AGAP1: variants seen among roughly 807,000 people sequenced by gnomAD.
AGAP1 encodes the protein arf-GAP with GTPase, ANK repeat and PH domain-containing protein 1.
Under a neutral mutation model 105.3 loss-of-function variants are expected in AGAP1, and 29 were observed. The observed-to-expected ratio is 0.28, with a 90% CI of 0.21 to 0.38. The LOEUF is 0.38. Ranked by LOEUF, AGAP1 falls within the 10% of genes least tolerant of loss-of-function variation. AGAP1 has a pLI of 1.00. For synonymous variants in AGAP1, 509 were observed against 485.9 expected, an observed-to-expected ratio of 1.05 and a Z score of -0.63; for missense variants, 998 against 1,165.1, an observed-to-expected ratio of 0.86 and a Z score of 2.09.
chr2:235,524,687 T>C (rs11689907), intron 1 of AGAP1: 128,892 of 171,292 alleles, frequency 0.75, 49,073 homozygotes, highest in East Asian at 0.91. Flanking sequence ...GAAGGGACCC[T>C]GTGTCCAAGA....
At chr2:236,112,127 C>T (rs1402651795) in intron 16 of AGAP1, among the ~76,000 whole-genome samples, 1 of 152,026 alleles carries the variant, frequency 6.6e-6, no homozygotes, top group Non-Finnish European at 1.5e-5. Context: ...AATAAAAGCT[C>T]TCTGGAGGCC....
chr2:235,654,440 A>G (rs530694689), intron 1 of AGAP1, among the ~76,000 whole-genome samples: 1 of 152,360 alleles, frequency 6.6e-6, no homozygotes, highest in East Asian at 1.9e-4. Flanking sequence ...ATTTTAATAA[A>G]TGATGGCTTC....
intron 8 of AGAP1, among the ~76,000 whole-genome samples, chr2:235,803,165 TGTG>T (rs1464659816): frequency 7.0e-6 from 1 of 142,544 alleles, no homozygotes; most frequent in African/African-American, 2.6e-5. Flanking sequence ...TGATGATGGT[TGTG>T]GTTGTGGTGA....
chr2:236,020,760 GA>G lies in AGAP1; in HGVS notation c.1646-15800del, dbSNP rs1469186495. On this transcript the variant is annotated intron_variant, in intron 13 of 17. Transcript: ENST00000304032. The surrounding 1 kb of genome is among the most constrained non-coding windows in gnomAD (Gnocchi z 5.0). ...TTATTTAATAGAAAAATGACCCAAAGACTCCATGGAGAATATCTGTGGACTA... is the reference window on the plus strand; with the variant it reads ...TTATTTAATAGAAAAATGACCCAAAGCTCCATGGAGAATATCTGTGGACTA... Among the ~76,000 whole-genome samples the G allele has an allele frequency of 6.6e-6, 1 of 152,200 alleles. No individual in the cohort carries two copies. Among genetic ancestry groups the G allele is most frequent in the African/African-American group, 2.4e-5 (1 of 41,446 alleles).
In AGAP1 at chr2:235,769,961, C is replaced by T. The variant is rs1249338628; in HGVS notation, c.673+19473C>T. ...CACTTATGTATGTTTCATATATTAG[C>T]AAGTGTATCTCATATCTTCTGAATA... On this transcript the variant is annotated intron_variant, in intron 6 of 17. Coordinates refer to ENST00000304032, the MANE Select transcript of AGAP1 (RefSeq NM_001037131.3). This position sits in a 1 kb window ranked among gnomAD's most constrained non-coding sequence, Gnocchi z 4.4. Among the ~76,000 whole-genome samples, 1 of 152,146 alleles carries T rather than the reference C, an allele frequency of 6.6e-6. No individual in the cohort carries two copies. The highest frequency in any genetic ancestry group is 1.9e-4 in the East Asian group (1 of 5,194).
Position 235,705,806 on chromosome 2 carries a change from A to G in AGAP1, c.164-3373A>G, listed in dbSNP as rs546401454. Among the ~76,000 whole-genome samples, 1 of 152,330 alleles carries G rather than the reference A, an allele frequency of 6.6e-6. No individual in the cohort carries two copies. Among genetic ancestry groups the G allele is most frequent in the Non-Finnish European group, 1.5e-5 (1 of 68,032 alleles). The stretch of plus-strand genomic sequence containing the variant: ...TCAAGTGAGGATGTATTTGCAAGTA[A>G]AAAGATGCTTCACATTGTTCCAATG... On this transcript the variant is annotated intron_variant, in intron 1 of 17. Coordinates refer to ENST00000304032, the MANE Select transcript of AGAP1 (RefSeq NM_001037131.3). The surrounding 1 kb of genome is among the most constrained non-coding windows in gnomAD (Gnocchi z 4.9).
At chr2:235,670,100 A>C in intron 1 of AGAP1, 1 of 496,678 alleles carries the variant, frequency 2.0e-6, no homozygotes. Flanking sequence ...CGCGGGCGAC[A>C]TGTACTTGTT....
At chr2:235,841,173 G>A (rs757378274) in intron 9 of AGAP1, among the ~76,000 whole-genome samples, 10 of 152,220 alleles carry the variant, frequency 6.6e-5, no homozygotes, top group Non-Finnish European at 1.0e-4. Context: ...TGTAGACACC[G>A]CCTAGGAGAG....
intron 10 of AGAP1, among the ~76,000 whole-genome samples, chr2:235,899,197 G>A (rs1475623980): frequency 6.6e-6 from 1 of 152,182 alleles, no homozygotes; most frequent in Non-Finnish European, 1.5e-5. Flanking sequence ...GAGGACAGAT[G>A]TATATGCTCT....
At chr2:235,527,058 CAGT>C (rs1407815021) in intron 1 of AGAP1, among the ~76,000 whole-genome samples, 1 of 152,130 alleles carries the variant, frequency 6.6e-6, no homozygotes, top group Admixed American at 6.6e-5. Context: ...AAAAGTGAAA[CAGT>C]AGTTGCTGTG....
At position 235,728,326 on chromosome 2, in the gene AGAP1, T is replaced by C. The variant is rs565052273; in HGVS notation, c.310+10682T>C. Among the ~76,000 whole-genome samples, 47 of 151,734 alleles carry C rather than the reference T, an allele frequency of 3.1e-4. No individual in the cohort carries two copies. The highest frequency in any genetic ancestry group is 1.6e-3 in the Admixed American group (25 of 15,254). On this transcript the variant is annotated intron_variant, in intron 3 of 17. Coordinates refer to ENST00000304032, the MANE Select transcript of AGAP1 (RefSeq NM_001037131.3). The surrounding 1 kb of genome is among the most constrained non-coding windows in gnomAD (Gnocchi z 4.3). ...CTGTGTGTGTGTGTGTGTGTGTGTG[T>C]GCGTGCTCTTAAATCAATGTAAATT...
intron 1 of AGAP1, among the ~76,000 whole-genome samples, chr2:235,678,772 C>T (rs1347673294): frequency 6.6e-6 from 1 of 152,036 alleles, no homozygotes; most frequent in African/African-American, 2.4e-5. Context: ...TATATTCTGC[C>T]GGCTCACCTG....
chr2:235,590,143 A>T (rs1335766606), intron 1 of AGAP1, among the ~76,000 whole-genome samples: 1 of 152,070 alleles, frequency 6.6e-6, no homozygotes, highest in Non-Finnish European at 1.5e-5. Flanking sequence ...GGCCTCCCAA[A>T]GTGCTGGGAT....
intron 13 of AGAP1, among the ~76,000 whole-genome samples, chr2:236,030,238 C>T: frequency 6.6e-6 from 1 of 152,176 alleles, no homozygotes; most frequent in Non-Finnish European, 1.5e-5. Context: ...GTCTTGAACT[C>T]CTGACACCTT....
chr2:235,671,492 C>T (rs569353251), intron 1 of AGAP1, among the ~76,000 whole-genome samples: 1 of 152,178 alleles, frequency 6.6e-6, no homozygotes, highest in African/African-American at 2.4e-5. Context: ...TCCTGGCGCC[C>T]CTCCCTGCCT....
intron 16 of AGAP1, among the ~76,000 whole-genome samples, chr2:236,093,896 G>A (rs1460727824): frequency 6.6e-6 from 1 of 151,952 alleles, no homozygotes; most frequent in African/African-American, 2.4e-5. Context: ...TTTTAAAGGG[G>A]GTTTCTCTGA....
At chr2:235,707,915 C>G (rs1950635563) in intron 1 of AGAP1, among the ~76,000 whole-genome samples, 1 of 149,108 alleles carries the variant, frequency 6.7e-6, no homozygotes, top group African/African-American at 2.5e-5. Flanking sequence ...AGCCTGTGAC[C>G]TGGTGGGTTG....
At chr2:235,759,805 A>G (rs1476044244) in intron 6 of AGAP1, among the ~76,000 whole-genome samples, 4 of 152,248 alleles carry the variant, frequency 2.6e-5, no homozygotes, top group Non-Finnish European at 5.9e-5. Flanking sequence ...GTTCTTAACC[A>G]AAGAAGCTCT....
At chr2:235,548,970 C>G (rs1943716457) in intron 1 of AGAP1, among the ~76,000 whole-genome samples, 1 of 152,150 alleles carries the variant, frequency 6.6e-6, no homozygotes, top group Non-Finnish European at 1.5e-5. Context: ...GCATCTGTAC[C>G]CCTGCTCTGG....
Sources: allele counts gnomAD v4.1 joint callset (sites outside exome capture counted in the v4.1 genomes callset), GRCh38; gene constraint gnomAD v4.1.1; non-coding constraint Gnocchi (gnomAD v3.1); transcripts MANE v1.5; gene names NCBI Gene and HGNC (gene_info 2026-07-23, HGNC 2026-07-21).